Variants in GAD1 observed in about 807,000 individuals in gnomAD.
The protein encoded by GAD1 is glutamate decarboxylase 1, also known as 67 kDa glutamic acid decarboxylase.
Under a neutral mutation model 75.2 loss-of-function variants are expected in GAD1, and 35 were observed. The ratio of observed to expected loss-of-function variants is 0.47; its 90% CI spans 0.36 to 0.62. The LOEUF (loss-of-function observed/expected upper bound fraction) is 0.62, where lower values mean the gene tolerates loss of function less well. Ranked by LOEUF, GAD1 falls within the 20% of genes least tolerant of loss-of-function variation. The pLI is 0.00. For synonymous variants in GAD1, 257 were observed against 271.9 expected, an observed-to-expected ratio of 0.95 and a Z score of 0.54; for missense variants, 490 against 758.5, an observed-to-expected ratio of 0.65 and a Z score of 4.16.
In GAD1 at chr2:170,859,776, G is replaced by C. The variant is rs892617163; in HGVS notation, c.1679G>C (p.Gly560Ala). Residue 560 changes from glycine to alanine, a missense_variant, in exon 17 of 17, where the codon GGG becomes GCG. Around this residue, in one of 3 missense-constraint regions of GAD1, gnomAD observed 324 missense variants for 523.9 expected, o/e 0.62. Transcript: ENST00000358196. ...ACCATGGTTGGCTACCAGCCCCAAGGGGACAAGGCCAACTTCTTCCGGATG... is the reference window on the plus strand; with the variant it reads ...ACCATGGTTGGCTACCAGCCCCAAGCGGACAAGGCCAACTTCTTCCGGATG... ...GTTMVGYQPQGDKANFFRMVI... is the reference protein window; with the variant it reads ...GTTMVGYQPQADKANFFRMVI... The C allele has an allele frequency of 6.2e-7, 1 of 1,614,004 alleles. No individual in the cohort carries two copies. The highest frequency in any genetic ancestry group is 8.5e-7 in the Non-Finnish European group (1 of 1,180,040).
At chr2:170,814,230 C>A (rs1003608293), upstream of GAD1, among the ~76,000 whole-genome samples, 9 of 152,146 alleles carry the variant, frequency 5.9e-5, no homozygotes, top group Non-Finnish European at 1.3e-4. Context: ...AATACCTCAC[C>A]CCCCAACTAG....
At chr2:170,822,875 G>A (rs1014924006) in intron 3 of GAD1, among the ~76,000 whole-genome samples, 2 of 152,222 alleles carry the variant, frequency 1.3e-5, no homozygotes, top group East Asian at 3.9e-4. Context: ...ACGAGGAGCC[G>A]CAGGCGGCGA....
rs566073496 is a variant in GAD1, at chr2:170,819,289, GAGAA to G, written c.82+618_82+621del. 5.9e-3 allele frequency among the ~76,000 whole-genome samples: 411 copies of G among 69,180 alleles called. 9 individuals carry two copies. The Admixed American group carries it at 0.065, about 11-fold the overall frequency. 45.4% of individuals were successfully genotyped at this position (69,180 alleles called of 152,430 possible). ...ATTTCATACAATTAATTACATCTCAGAGAAATAAATAAATAAATAAATAAATAGG... is the reference window on the plus strand; with the variant it reads ...ATTTCATACAATTAATTACATCTCAGATAAATAAATAAATAAATAAATAGG... On this transcript the variant is annotated intron_variant, in intron 2 of 16. Transcript: ENST00000358196.
intron 11 of GAD1, 158 bp from the exon 12 acceptor site, chr2:170,849,128 A>G (rs1038713508): frequency 5.6e-6 from 4 of 710,554 alleles, no homozygotes; most frequent in Admixed American, 4.0e-5. Context: ...AAGAATCACA[A>G]CTGATTGAAC....
Position 170,843,490 on chromosome 2 carries a change from G to C in GAD1, c.639-555G>C, listed in dbSNP as rs1489606960. Among the ~76,000 whole-genome samples, 3 of 152,144 alleles carry C rather than the reference G, an allele frequency of 2.0e-5. No homozygotes were observed. The East Asian group carries it at 5.8e-4, about 29-fold the overall frequency. On this transcript the variant is annotated intron_variant, in intron 6 of 16. Coordinates refer to ENST00000358196, the MANE Select transcript of GAD1 (RefSeq NM_000817.3). ...AAAACCATGTAGATAATTATATTGA[G>C]ATCTTTAAAACCTGGGTCAATATTT...
chr2:170,849,254 C>A, intron 11 of GAD1, 32 bp from the exon 12 acceptor site: 1 of 1,597,738 alleles, frequency 6.3e-7, no homozygotes, highest in South Asian at 1.1e-5. Context: ...TGTCACTGCT[C>A]CCCTCTTCCT....
chr2:170,822,580 A>G (rs915098894), intron 3 of GAD1, among the ~76,000 whole-genome samples: 2 of 152,248 alleles, frequency 1.3e-5, no homozygotes, highest in Admixed American at 1.3e-4. Context: ...AAGGCGGTGT[A>G]TCTGCCTAAA....
chr2:170,833,559 T>C (rs1233026554), intron 5 of GAD1, among the ~76,000 whole-genome samples: 5 of 152,266 alleles, frequency 3.3e-5, no homozygotes, highest in African/African-American at 1.2e-4. Context: ...TTTTGAACTT[T>C]GCCAGTTTGC....
chr2:170,834,973 T>G (rs1702336143), intron 5 of GAD1, among the ~76,000 whole-genome samples: 1 of 152,066 alleles, frequency 6.6e-6, no homozygotes, highest in Non-Finnish European at 1.5e-5. Flanking sequence ...GGTTTCACCA[T>G]GTTGGCCAGG....
At chr2:170,839,029 T>C (rs1219306443) in intron 6 of GAD1, among the ~76,000 whole-genome samples, 1 of 152,256 alleles carries the variant, frequency 6.6e-6, no homozygotes, top group East Asian at 1.9e-4. Flanking sequence ...GATCATGAAA[T>C]GTGGCAGCAC....
At chr2:170,820,300 G>A (rs888738456) in intron 2 of GAD1, among the ~76,000 whole-genome samples, 31 of 152,218 alleles carry the variant, frequency 2.0e-4, no homozygotes, top group African/African-American at 7.5e-4. Flanking sequence ...CAACAGAGGC[G>A]ATGACCTGAA....
chr2:170,849,388 C>G, intron 12 of GAD1, 38 bp downstream of exon 12: 1 of 1,580,018 alleles, frequency 6.3e-7, no homozygotes, highest in Non-Finnish European at 8.7e-7. Flanking sequence ...TTCCACCCAG[C>G]ACATCAAACA....
intron 6 of GAD1, among the ~76,000 whole-genome samples, chr2:170,840,097 AC>A (rs1314888450): frequency 6.6e-6 from 1 of 152,232 alleles, no homozygotes; most frequent in Non-Finnish European, 1.5e-5. Context: ...CTTAAAACAA[AC>A]CACTGAATTT....
chr2:170,835,806 C>T (rs1283118207), intron 5 of GAD1, among the ~76,000 whole-genome samples: 1 of 152,126 alleles, frequency 6.6e-6, no homozygotes, highest in African/African-American at 2.4e-5. Flanking sequence ...ACCTCAGATT[C>T]TGTTGGCAAT....
intron 3 of GAD1, among the ~76,000 whole-genome samples, chr2:170,827,008 G>A (rs1200620134): frequency 6.6e-6 from 1 of 152,198 alleles, no homozygotes; most frequent in Non-Finnish European, 1.5e-5. Flanking sequence ...ATACCCAAGT[G>A]TGGAGCTCTA....
At chr2:170,858,731 G>A (rs1351767478) in intron 15 of GAD1, 73 bp from the exon 16 acceptor site, 2 of 1,290,174 alleles carry the variant, frequency 1.6e-6, no homozygotes, top group African/African-American at 1.5e-5. Context: ...CACCAAGGAT[G>A]CATATTGGTT....
At chr2:170,854,693 C>G (rs1443763931) in intron 14 of GAD1, among the ~76,000 whole-genome samples, 2 of 152,262 alleles carry the variant, frequency 1.3e-5, no homozygotes, top group African/African-American at 2.4e-5. Context: ...GCGTGAGCCA[C>G]CGCGCCCGGC....
rs1268618603 is a variant in GAD1 at position 170,828,273 on chromosome 2, CCCT to C, written c.146-1201_146-1199del. 1.5e-4 allele frequency among the ~76,000 whole-genome samples: 18 copies of C among 121,962 alleles called. No homozygotes were observed. The South Asian group carries it at 3.6e-3, about 25-fold the overall frequency. 80.0% of individuals were successfully genotyped at this position (121,962 alleles called of 152,430 possible). On this transcript the variant is annotated intron_variant, in intron 3 of 16. Coordinates refer to ENST00000358196, the MANE Select transcript of GAD1 (RefSeq NM_000817.3). The stretch of plus-strand genomic sequence containing the variant: ...CCTCTCTCTGCTGTCCTCACCCCTC[CCCT>C]TCCCTCTGCTGTCCTCACCCTCCTC...
At chr2:170,856,890 T>C (rs1319863554) in intron 14 of GAD1, 128 bp from the exon 15 acceptor site, 1 of 778,714 alleles carries the variant, frequency 1.3e-6, no homozygotes, top group African/African-American at 1.7e-5. Flanking sequence ...TTTGATTAGA[T>C]TGTTCTTCCT....
Sources: gnomAD v4.1 joint callset for allele counts (sites outside exome capture counted in the v4.1 genomes callset) on GRCh38, gnomAD v4.1.1 for gene constraint, gnomAD v4.1.1 regional missense constraint, MANE v1.5 for transcripts, NCBI Gene and HGNC (gene_info 2026-07-23, HGNC 2026-07-21) for gene names.